RAI2: variants seen among roughly 807,000 people sequenced by gnomAD.
The protein encoded by RAI2 is retinoic acid-induced protein 2.
RAI2 carries 5 observed loss-of-function variants against 15.3 expected under a neutral mutation model. The observed-to-expected ratio is 0.33, with a 90% CI of 0.17 to 0.69. RAI2 has a LOEUF of 0.69. Among genes scored for constraint, RAI2 ranks in the 30% least tolerant of loss-of-function variants. RAI2 has a pLI of 0.69. For missense variants in RAI2, 424 were observed against 424.7 expected, an observed-to-expected ratio of 1.00 and a Z score of 0.01; for synonymous variants, 191 against 184.0, an observed-to-expected ratio of 1.04 and a Z score of -0.31.
Position 17,801,205 on chromosome X carries a change from G to T in RAI2, c.806C>A (p.Ser269Tyr). The T allele has an allele frequency of 8.3e-7, 1 of 1,211,559 alleles. No homozygotes were observed. The highest frequency in any genetic ancestry group is 1.1e-6 in the Non-Finnish European group (1 of 895,253). Residue 269 changes from serine to tyrosine, a missense_variant, in exon 2 of 2, where the codon TCT becomes TAT. Coordinates refer to ENST00000451717, the MANE Select transcript of RAI2 (RefSeq NM_021785.6). ...KFSSSFPKPPSSFGLHPFKGT... is the reference protein window; with the variant it reads ...KFSSSFPKPPYSFGLHPFKGT... ...TTTAAAGGGGTGCAGGCCGAAGGAA[G>T]ATGGTGGCTTGGGGAAACTGGAGCT...
chrX:17,817,119 C>T (rs771212947), intron 1 of RAI2, among the ~76,000 whole-genome samples: 1 of 111,483 alleles, frequency 9.0e-6, no homozygotes, highest in African/African-American at 3.3e-5. Flanking sequence ...TGTGTTTGAG[C>T]CACGGTACTC....
intron 1 of RAI2, among the ~76,000 whole-genome samples, chrX:17,845,314 C>T (rs900824115): frequency 3.5e-5 from 4 of 112,707 alleles, no homozygotes; most frequent in African/African-American, 1.3e-4. Context: ...CTCTAGTTTT[C>T]CCTTTCGCTT....
intron 1 of RAI2, among the ~76,000 whole-genome samples, chrX:17,810,045 T>G: frequency 8.9e-6 from 1 of 111,812 alleles, no homozygotes; most frequent in Non-Finnish European, 1.9e-5. Flanking sequence ...GTGCTGGGAT[T>G]ACAGGCATGA....
chrX:17,816,115 A>G (rs2067105644), intron 1 of RAI2, among the ~76,000 whole-genome samples: 1 of 106,769 alleles, frequency 9.4e-6, no homozygotes, highest in South Asian at 4.4e-4. Context: ...ACAAGTTGAT[A>G]ATAAACCATT....
intron 1 of RAI2, among the ~76,000 whole-genome samples, chrX:17,826,275 T>C (rs1203803116): frequency 1.8e-5 from 2 of 110,752 alleles, no homozygotes; most frequent in Non-Finnish European, 3.8e-5. Flanking sequence ...TCTATGACCA[T>C]TTGGAACAGT....
chrX:17,825,352 C>T (rs1346898929), intron 1 of RAI2, among the ~76,000 whole-genome samples: 1 of 112,793 alleles, frequency 8.9e-6, no homozygotes, highest in Admixed American at 9.3e-5. Flanking sequence ...GAGGGATTTT[C>T]TGCCATTCTT....
intron 1 of RAI2, among the ~76,000 whole-genome samples, chrX:17,834,210 C>A (rs2067310584): frequency 9.0e-6 from 1 of 111,370 alleles, no homozygotes; most frequent in Non-Finnish European, 1.9e-5. Flanking sequence ...TAATTTACTA[C>A]CTGGTTGTTA....
intron 1 of RAI2, among the ~76,000 whole-genome samples, chrX:17,829,096 C>T (rs1285338540): frequency 9.0e-6 from 1 of 110,512 alleles, no homozygotes; most frequent in African/African-American, 3.3e-5. Context: ...GTCCTGAGCA[C>T]TCAGTAGAAT....
intron 1 of RAI2, among the ~76,000 whole-genome samples, chrX:17,811,248 A>C (rs1047400046): frequency 8.9e-6 from 1 of 112,381 alleles, no homozygotes; most frequent in Admixed American, 9.4e-5. Flanking sequence ...GGTGGTAGGG[A>C]ACACTCACCT....
At chrX:17,832,543 G>A (rs1483653206) in intron 1 of RAI2, among the ~76,000 whole-genome samples, 3 of 111,930 alleles carry the variant, frequency 2.7e-5, no homozygotes, top group Non-Finnish European at 5.6e-5. Flanking sequence ...AGGCAATAAT[G>A]GTTACTTTAT....
intron 1 of RAI2, among the ~76,000 whole-genome samples, chrX:17,820,971 C>T (rs1471406925): frequency 9.0e-6 from 1 of 111,495 alleles, no homozygotes; most frequent in East Asian, 2.8e-4. Flanking sequence ...GCAATCATAG[C>T]TCACTGTAGC....
At chrX:17,811,115 A>C (rs988087539) in intron 1 of RAI2, among the ~76,000 whole-genome samples, 2 of 112,615 alleles carry the variant, frequency 1.8e-5, no homozygotes, top group African/African-American at 3.2e-5. Flanking sequence ...GATCTCTCTA[A>C]GGAAAGGAAC....
intron 1 of RAI2, among the ~76,000 whole-genome samples, chrX:17,857,317 G>A (rs1446241360): frequency 9.0e-6 from 1 of 111,622 alleles, no homozygotes; most frequent in South Asian, 3.8e-4. Flanking sequence ...CAGCTCCCTC[G>A]GTGGCTCCAG....
intron 1 of RAI2, among the ~76,000 whole-genome samples, chrX:17,847,967 T>C (rs2067483140): frequency 8.9e-6 from 1 of 111,744 alleles, no homozygotes; most frequent in Non-Finnish European, 1.9e-5. Flanking sequence ...AATGGAAGTA[T>C]TAAAAGCCCA....
chrX:17,845,461 T>C (rs1307579576), intron 1 of RAI2, among the ~76,000 whole-genome samples: 2 of 112,259 alleles, frequency 1.8e-5, no homozygotes, highest in Non-Finnish European at 3.8e-5. Flanking sequence ...CACCTCACTC[T>C]GCATTTCTCT....
At chrX:17,819,204 T>C (rs1270897424) in intron 1 of RAI2, among the ~76,000 whole-genome samples, 1 of 112,390 alleles carries the variant, frequency 8.9e-6, no homozygotes, top group Non-Finnish European at 1.9e-5. Context: ...TAACACCTGG[T>C]TTCCCTCCTA....
chrX:17,823,359 T>C (rs1484628906), intron 1 of RAI2, among the ~76,000 whole-genome samples: 1 of 112,449 alleles, frequency 8.9e-6, no homozygotes, highest in African/African-American at 3.2e-5. Flanking sequence ...GCGAGGATTA[T>C]ATTTGAAACT....
intron 1 of RAI2, among the ~76,000 whole-genome samples, chrX:17,849,386 C>G (rs746731588): frequency 8.9e-6 from 1 of 112,488 alleles, no homozygotes; most frequent in African/African-American, 3.2e-5. Context: ...CCACGCTGTA[C>G]AGAATCCCAG....
chrX:17,803,808 C>T lies in RAI2; in HGVS notation c.-24-1774G>A, dbSNP rs182344774. 4.5e-5 allele frequency among the ~76,000 whole-genome samples: 5 copies of T among 111,758 alleles called. No homozygotes were observed. The East Asian group carries it at 1.4e-3, about 32-fold the overall frequency. On this transcript the variant is annotated intron_variant, in intron 1 of 1. Transcript: ENST00000451717. ...GTGACCCAGCATGCTGGCCAGTAACCCCCTTGGGACAGAGTTGGGAGGCAG... is the reference window on the plus strand; with the variant it reads ...GTGACCCAGCATGCTGGCCAGTAACTCCCTTGGGACAGAGTTGGGAGGCAG...
Sources: allele counts gnomAD v4.1 joint callset (sites outside exome capture counted in the v4.1 genomes callset), GRCh38; gene constraint gnomAD v4.1.1; transcripts MANE v1.5; gene names NCBI Gene and HGNC (gene_info 2026-07-23, HGNC 2026-07-21).